Variants in SCAPER observed in about 807,000 individuals in gnomAD.
SCAPER encodes the protein S-phase cyclin A associated protein in the ER.
SCAPER carries 98 observed loss-of-function variants against 182.2 expected under a neutral mutation model. The ratio of observed to expected loss-of-function variants is 0.54; its 90% CI spans 0.46 to 0.64. The LOEUF (loss-of-function observed/expected upper bound fraction) is 0.64. Ranked by LOEUF, SCAPER falls within the 30% of genes least tolerant of loss-of-function variation. The pLI is 0.00. For synonymous variants in SCAPER, 605 were observed against 564.6 expected (o/e 1.07, Z -1.01); for missense variants, 1,432 against 1,690.0 (o/e 0.85, Z 2.68).
chr15:76,757,860 T>TA (rs1435054231), intron 14 of SCAPER, among the ~76,000 whole-genome samples: 3 of 152,206 alleles, frequency 2.0e-5, no homozygotes, highest in Non-Finnish European at 4.4e-5. Context: ...TCATTATAGA[T>TA]GCTGAGCACC....
intron 15 of SCAPER, chr15:76,736,496 C>T (rs889217403): frequency 6.6e-6 from 1 of 152,202 alleles, no homozygotes; most frequent in African/African-American, 2.4e-5. Context: ...AGTCAATGCT[C>T]TCAAAACCCT....
chr15:76,771,150 T>G (rs1008613025), intron 10 of SCAPER, among the ~76,000 whole-genome samples: 2 of 152,108 alleles, frequency 1.3e-5, no homozygotes, highest in African/African-American at 2.4e-5. Context: ...TAAACAAAGT[T>G]AGCATGATTT....
intron 2 of SCAPER, among the ~76,000 whole-genome samples, chr15:76,864,327 C>T (rs151080533): frequency 6.6e-6 from 1 of 152,356 alleles, no homozygotes; most frequent in East Asian, 1.9e-4. Flanking sequence ...TTCTAATATA[C>T]ACATAAAGTA....
At chr15:76,681,468 T>C (rs539651367) in intron 20 of SCAPER, among the ~76,000 whole-genome samples, 1 of 152,306 alleles carries the variant, frequency 6.6e-6, no homozygotes, top group Admixed American at 6.5e-5. Flanking sequence ...GATGGCCAAC[T>C]GGATGCAGCC....
rs1047260867 is a variant in SCAPER, at chr15:76,570,322, T to C, written c.2838+3836A>G. Among the ~76,000 whole-genome samples, 10 of 148,628 alleles carry C rather than the reference T, an allele frequency of 6.7e-5. No individual in the cohort carries two copies. In the East Asian group the frequency reaches 1.4e-3, roughly 20 times the overall value. ...CATTGATTGTCCTAGATGCCAACAT[T>C]TTTTTTTTTCTCACCAGTCCTGCAA... On this transcript the variant is annotated intron_variant, in intron 23 of 31. Transcript: ENST00000563290.
At chr15:76,828,589 A>G (rs557950272) in intron 5 of SCAPER, among the ~76,000 whole-genome samples, 190 of 147,596 alleles carry the variant, frequency 1.3e-3, no homozygotes, top group Non-Finnish European at 2.5e-3. Flanking sequence ...GAAATTACTT[A>G]TTTAACCAAT....
intron 1 of SCAPER, among the ~76,000 whole-genome samples, chr15:76,896,324 TCACACCACTG>T (rs2074433566): frequency 6.6e-6 from 1 of 152,064 alleles, no homozygotes; most frequent in South Asian, 2.1e-4. Context: ...TGAGTTGTGA[TCACACCACTG>T]CACTCCAGAC....
At chr15:76,447,240 T>C (rs1248568967) in intron 25 of SCAPER, among the ~76,000 whole-genome samples, 1 of 152,206 alleles carries the variant, frequency 6.6e-6, no homozygotes, top group Non-Finnish European at 1.5e-5. Flanking sequence ...GGGTAATCCA[T>C]GCTTCTTTTC....
chr15:76,362,169 C>T (rs1171579281), intron 29 of SCAPER, among the ~76,000 whole-genome samples: 1 of 151,956 alleles, frequency 6.6e-6, no homozygotes, highest in Non-Finnish European at 1.5e-5. Flanking sequence ...GACGGGGTTT[C>T]ACCATGTTGG....
intron 2 of SCAPER, among the ~76,000 whole-genome samples, chr15:76,869,051 T>C (rs1415721499): frequency 2.0e-5 from 3 of 152,170 alleles, no homozygotes; most frequent in South Asian, 2.1e-4. Context: ...CTGGGAAAAC[T>C]GGATAACTTT....
intron 23 of SCAPER, among the ~76,000 whole-genome samples, chr15:76,568,024 A>T (rs2047167029): frequency 6.6e-6 from 1 of 151,892 alleles, no homozygotes; most frequent in Non-Finnish European, 1.5e-5. Context: ...TCTGGAATCA[A>T]TTTTTTGTTT....
intron 24 of SCAPER, among the ~76,000 whole-genome samples, chr15:76,498,153 T>G (rs1161748437): frequency 6.6e-6 from 1 of 152,254 alleles, no homozygotes; most frequent in South Asian, 2.1e-4. Context: ...CACAGTAGGC[T>G]ACTACTACTA....
intron 23 of SCAPER, among the ~76,000 whole-genome samples, chr15:76,540,464 G>C (rs967249788): frequency 2.0e-5 from 3 of 152,004 alleles, no homozygotes; most frequent in African/African-American, 7.3e-5. Flanking sequence ...TTCATGTGTT[G>C]ACATGAGATG....
At chr15:76,453,285 T>C (rs1487648038) in intron 25 of SCAPER, among the ~76,000 whole-genome samples, 1 of 152,240 alleles carries the variant, frequency 6.6e-6, no homozygotes, top group Non-Finnish European at 1.5e-5. Flanking sequence ...TGTCACCATC[T>C]AAACCTCAGA....
chr15:76,720,404 T>C (rs940327932), intron 17 of SCAPER, among the ~76,000 whole-genome samples: 4 of 152,228 alleles, frequency 2.6e-5, no homozygotes, highest in Non-Finnish European at 5.9e-5. Context: ...TGAATGTGTC[T>C]TTATAGCAGC....
chr15:76,520,770 T>C (rs995333343), intron 23 of SCAPER, among the ~76,000 whole-genome samples: 4 of 152,198 alleles, frequency 2.6e-5, no homozygotes, highest in Non-Finnish European at 5.9e-5. Context: ...TATGATTATA[T>C]AAATAGTAAG....
chr15:76,555,529 G>A (rs1241714541), intron 23 of SCAPER, among the ~76,000 whole-genome samples: 1 of 152,106 alleles, frequency 6.6e-6, no homozygotes, highest in Non-Finnish European at 1.5e-5. Flanking sequence ...AAGAAAAAAA[G>A]ATGGAGAAAA....
chr15:76,854,227 C>T (rs1185911706), intron 4 of SCAPER, among the ~76,000 whole-genome samples: 1 of 151,974 alleles, frequency 6.6e-6, no homozygotes, highest in East Asian at 1.9e-4. Flanking sequence ...CGAGATCATG[C>T]CACTGCACTC....
intron 23 of SCAPER, among the ~76,000 whole-genome samples, chr15:76,573,232 G>T (rs1327723282): frequency 6.6e-6 from 1 of 151,974 alleles, no homozygotes; most frequent in East Asian, 1.9e-4. Context: ...CCCTTTAAAG[G>T]AATCATGAAT....
Sources: allele counts gnomAD v4.1 joint callset (sites outside exome capture counted in the v4.1 genomes callset), GRCh38; gene constraint gnomAD v4.1.1; transcripts MANE v1.5; gene names NCBI Gene and HGNC (gene_info 2026-07-23, HGNC 2026-07-21).